The following SORCS1 variants were observed in gnomAD, a reference collection of about 807,000 sequenced individuals.
SORCS1 encodes the protein sortilin related VPS10 domain containing receptor 1, also known as VPS10 domain-containing receptor SorCS1.
Under a neutral mutation model 146.1 loss-of-function variants are expected in SORCS1, and 60 were observed. The observed-to-expected ratio is 0.41, with a 90% CI of 0.33 to 0.51. The LOEUF (loss-of-function observed/expected upper bound fraction) is 0.51, where lower values mean the gene tolerates loss of function less well. Ranked by LOEUF, SORCS1 falls within the 20% of genes least tolerant of loss-of-function variation. The pLI, the probability that SORCS1 is intolerant of heterozygous loss-of-function variation, is 0.21. For missense variants in SORCS1, 1,352 were observed against 1,487.6 expected (o/e 0.91, Z 1.50); for synonymous variants, 637 against 584.0 (o/e 1.09, Z -1.31).
At chr10:106,884,721 C>T (rs1034449969) in intron 2 of SORCS1, among the ~76,000 whole-genome samples, 3 of 152,090 alleles carry the variant, frequency 2.0e-5, no homozygotes, top group African/African-American at 7.2e-5. Context: ...AGGAAAACTG[C>T]CACCCTGCCC....
At chr10:107,159,289 T>C (rs1480443134) in intron 1 of SORCS1, among the ~76,000 whole-genome samples, 1 of 152,220 alleles carries the variant, frequency 6.6e-6, no homozygotes, top group African/African-American at 2.4e-5. Context: ...CTTTACTTAG[T>C]AAATGCAGCA....
intron 1 of SORCS1, among the ~76,000 whole-genome samples, chr10:106,977,301 T>C (rs1229641317): frequency 6.6e-6 from 1 of 152,204 alleles, no homozygotes; most frequent in Non-Finnish European, 1.5e-5. Context: ...GATGATGAGC[T>C]TTTTTTCATA....
intron 3 of SORCS1, among the ~76,000 whole-genome samples, chr10:106,778,837 G>C (rs941595032): frequency 1.3e-5 from 2 of 152,070 alleles, no homozygotes; most frequent in African/African-American, 4.8e-5. Flanking sequence ...CTTTTCCCAT[G>C]AGTATAGATC....
At chr10:107,145,063 A>C (rs1159966933) in intron 1 of SORCS1, among the ~76,000 whole-genome samples, 5 of 152,188 alleles carry the variant, frequency 3.3e-5, no homozygotes, top group Non-Finnish European at 7.3e-5. Flanking sequence ...CTTCCAGTGG[A>C]TGCAGGGGGA....
chr10:107,052,130 T>A (rs1436856412), intron 1 of SORCS1, among the ~76,000 whole-genome samples: 1 of 152,172 alleles, frequency 6.6e-6, no homozygotes, highest in Non-Finnish European at 1.5e-5. Flanking sequence ...AGCAAGCTGC[T>A]TATTACAGCT....
At chr10:106,914,333 T>A (rs1027412509) in intron 2 of SORCS1, among the ~76,000 whole-genome samples, 2 of 152,184 alleles carry the variant, frequency 1.3e-5, no homozygotes, top group Non-Finnish European at 2.9e-5. Flanking sequence ...TTAAGGTTCA[T>A]ATCATTATCC....
chr10:106,774,463 T>C (rs1860276046), intron 4 of SORCS1, among the ~76,000 whole-genome samples: 1 of 148,732 alleles, frequency 6.7e-6, no homozygotes. Context: ...GTGTGTAAAT[T>C]ATAACTAGCT....
chr10:107,034,736 C>T (rs1256028800), intron 1 of SORCS1, among the ~76,000 whole-genome samples: 1 of 136,872 alleles, frequency 7.3e-6, no homozygotes, highest in Non-Finnish European at 1.6e-5. Context: ...CAAAGCCTCT[C>T]TGCAGCTCCA....
At chr10:107,110,276 T>C (rs1965604125) in intron 1 of SORCS1, among the ~76,000 whole-genome samples, 1 of 152,192 alleles carries the variant, frequency 6.6e-6, no homozygotes, top group African/African-American at 2.4e-5. Flanking sequence ...TAGTACCGAT[T>C]TTCTATATTA....
At chr10:106,930,686 T>C (rs1953372476) in intron 2 of SORCS1, among the ~76,000 whole-genome samples, 1 of 152,218 alleles carries the variant, frequency 6.6e-6, no homozygotes, top group South Asian at 2.1e-4. Flanking sequence ...TTGGTTTTTT[T>C]CTTCAGAATT....
At chr10:107,165,086 A>G (rs935051897), upstream of SORCS1, among the ~76,000 whole-genome samples, 5 of 151,962 alleles carry the variant, frequency 3.3e-5, no homozygotes, top group Admixed American at 6.5e-5. The surrounding 1 kb of genome is among the most constrained non-coding windows in gnomAD (Gnocchi z 4.0). Context: ...CTATGAGTCT[A>G]TGTTGCTGTT....
At chr10:107,130,945 G>T (rs572439679) in intron 1 of SORCS1, among the ~76,000 whole-genome samples, 5 of 151,852 alleles carry the variant, frequency 3.3e-5, no homozygotes, top group Admixed American at 6.6e-5. Flanking sequence ...ATAACTCCAC[G>T]TTCCTCCCTC....
chr10:107,153,176 G>GTT (rs533729458), intron 1 of SORCS1, among the ~76,000 whole-genome samples: 7 of 144,422 alleles, frequency 4.8e-5, no homozygotes, highest in South Asian at 2.2e-4. Flanking sequence ...CCTTCTCTCT[G>GTT]TTTTTTTTTT....
intron 2 of SORCS1, among the ~76,000 whole-genome samples, chr10:106,863,080 A>T (rs1950085904): frequency 6.6e-6 from 1 of 152,170 alleles, no homozygotes; most frequent in African/African-American, 2.4e-5. Context: ...CCCCAAACAA[A>T]CAAACAAAAC....
Position 107,164,541 on chromosome 10 carries a change from G to C in SORCS1, c.-15C>G. 7.5e-7 allele frequency: 1 copy of C among 1,341,658 alleles called. No homozygotes were observed. The highest frequency in any genetic ancestry group is 9.5e-7 in the Non-Finnish European group (1 of 1,053,724). 83.1% of individuals were successfully genotyped at this position (1,341,658 alleles called of 1,614,324 possible). On this transcript the variant is annotated 5_prime_UTR_variant, in exon 1 of 26. Coordinates refer to ENST00000263054, the MANE Select transcript of SORCS1 (RefSeq NM_052918.5). The surrounding 1 kb of genome is among the most constrained non-coding windows in gnomAD (Gnocchi z 6.8). ...ACTTTTCCCATCGCGGGAGCGAAGA[G>C]CAGCGGAGAGAGGGGTCCCAGAACG...
At chr10:106,870,661 TC>T (rs759117592) in intron 2 of SORCS1, among the ~76,000 whole-genome samples, 18 of 152,162 alleles carry the variant, frequency 1.2e-4, no homozygotes, top group Non-Finnish European at 2.1e-4. Flanking sequence ...CTGGACCCCT[TC>T]CTTAGACTGT....
intron 1 of SORCS1, among the ~76,000 whole-genome samples, chr10:107,009,579 T>A (rs7894447): frequency 0.19 from 28,488 of 152,144 alleles, 8,637 homozygotes; most frequent in African/African-American, 0.64. Flanking sequence ...GGATAAAATA[T>A]CTGGAATGAC....
intron 2 of SORCS1, among the ~76,000 whole-genome samples, chr10:106,835,283 C>T (rs12254531): frequency 2.0e-5 from 3 of 152,166 alleles, no homozygotes; most frequent in Non-Finnish European, 2.9e-5. Flanking sequence ...AAATGGGATG[C>T]TAAATAAACA....
At chr10:106,957,396 TCCTGACCTCAGGTGATCCA>T (rs1289795359) in intron 1 of SORCS1, among the ~76,000 whole-genome samples, 2 of 152,146 alleles carry the variant, frequency 1.3e-5, no homozygotes, top group East Asian at 3.9e-4. Context: ...GGTCTCGAAC[TCCTGACCTCAGGTGATCCA>T]CCTGCCTCAG....
Sources: gnomAD v4.1 joint callset for allele counts (sites outside exome capture counted in the v4.1 genomes callset) on GRCh38, gnomAD v4.1.1 for gene constraint, Gnocchi (gnomAD v3.1) non-coding constraint, MANE v1.5 for transcripts, NCBI Gene and HGNC (gene_info 2026-07-23, HGNC 2026-07-21) for gene names.